Variants in TMEM131L observed in about 807,000 individuals in gnomAD.
TMEM131L encodes transmembrane protein 131-like.
Under a neutral mutation model 192.2 loss-of-function variants are expected in TMEM131L, and 54 were observed. That is an observed-to-expected ratio of 0.28 (90% CI 0.23 to 0.35). TMEM131L has a LOEUF of 0.35. TMEM131L is among the 10% of genes least tolerant of loss of function. TMEM131L has a pLI of 1.00. For missense variants in TMEM131L, 1,888 were observed against 1,972.9 expected (o/e 0.96, Z 0.82); for synonymous variants, 701 against 704.9 (o/e 0.99, Z 0.09).
chr4:153,585,282 G>A (rs531532670), intron 12 of TMEM131L, among the ~76,000 whole-genome samples, 176 bp from the exon 13 acceptor site: 1 of 152,338 alleles, frequency 6.6e-6, no homozygotes, highest in South Asian at 2.1e-4. Context: ...CGGGCTTCCA[G>A]TTGCTCCCTA....
At chr4:153,466,698 C>T (rs1277850685) in intron 1 of TMEM131L, among the ~76,000 whole-genome samples, 177 bp downstream of exon 1, 2 of 152,192 alleles carry the variant, frequency 1.3e-5, no homozygotes, top group Admixed American at 6.5e-5. Flanking sequence ...CGTCCCGTCC[C>T]GCGCCTCTCT....
At chr4:153,561,976 C>A (rs867492513) in intron 7 of TMEM131L, among the ~76,000 whole-genome samples, 4 of 145,906 alleles carry the variant, frequency 2.7e-5, no homozygotes, top group Non-Finnish European at 3.0e-5. Flanking sequence ...AAAAAAAAAA[C>A]CTCTTAAAAG....
chr4:153,548,572 G>T (rs1737369282), intron 3 of TMEM131L, among the ~76,000 whole-genome samples: 1 of 152,154 alleles, frequency 6.6e-6, no homozygotes, highest in Non-Finnish European at 1.5e-5. Flanking sequence ...CAAAGTGCTG[G>T]GATTACAGGC....
At chr4:153,467,132 C>T in intron 1 of TMEM131L, 79 bp from the exon 2 acceptor site, 2 of 1,379,018 alleles carry the variant, frequency 1.5e-6, no homozygotes, top group Admixed American at 2.0e-5. Context: ...GCGGGGGGCA[C>T]GGAGGGACGG....
intron 26 of TMEM131L, among the ~76,000 whole-genome samples, chr4:153,617,180 G>A (rs768247118): frequency 1.1e-4 from 17 of 152,274 alleles, no homozygotes; most frequent in Non-Finnish European, 1.8e-4. Flanking sequence ...TTTTAAAAAT[G>A]GGAGTTTCCC....
At chr4:153,593,930 C>T (rs1006453022) in intron 19 of TMEM131L, 59 bp downstream of exon 19, 13 of 1,073,880 alleles carry the variant, frequency 1.2e-5, no homozygotes, top group South Asian at 5.0e-5. Flanking sequence ...CATGAGCATA[C>T]GGGCCTCATT....
intron 25 of TMEM131L, among the ~76,000 whole-genome samples, chr4:153,608,462 G>A (rs534423673): frequency 6.6e-6 from 1 of 152,306 alleles, no homozygotes; most frequent in South Asian, 2.1e-4. Context: ...TCAAAATAAT[G>A]TAGATTAGAG....
chr4:153,507,403 G>A lies in TMEM131L; in HGVS notation c.239+33515G>A, dbSNP rs1045996742. 5.9e-5 allele frequency among the ~76,000 whole-genome samples: 9 copies of A among 152,296 alleles called. No individual in the cohort carries two copies. In the East Asian group the frequency reaches 9.6e-4, roughly 16 times the overall value. ...CGTGGCACATCTCCACGTCCCCCAT[G>A]CTTGCTTTTTCTCTAGTAGAAGACT... On this transcript the variant is annotated intron_variant, in intron 3 of 34. Coordinates refer to ENST00000409959, the MANE Select transcript of TMEM131L (RefSeq NM_001131007.2).
At chr4:153,539,974 G>A (rs572356364) in intron 3 of TMEM131L, among the ~76,000 whole-genome samples, 335 of 152,208 alleles carry the variant, frequency 2.2e-3, no homozygotes, top group Admixed American at 5.3e-3. Context: ...GCCGGGCATG[G>A]TGGCGGGTGC....
At position 153,493,152 on chromosome 4, in the gene TMEM131L, C is replaced by T. The variant is rs550024555; in HGVS notation, c.239+19264C>T. Among the ~76,000 whole-genome samples the T allele has an allele frequency of 3.3e-5, 5 of 151,242 alleles. No homozygotes were observed. The South Asian group carries it at 8.4e-4, about 25-fold the overall frequency. On this transcript the variant is annotated intron_variant, in intron 3 of 34. Transcript: ENST00000409959. ...ACAAGGTCAGGAGATCGAGACCATCCTGGCTAACATGGTGAAACCCCATCT... is the reference window on the plus strand; with the variant it reads ...ACAAGGTCAGGAGATCGAGACCATCTTGGCTAACATGGTGAAACCCCATCT...
chr4:153,585,293 T>C (rs1356990244), intron 12 of TMEM131L, among the ~76,000 whole-genome samples, 165 bp from the exon 13 acceptor site: 2 of 152,180 alleles, frequency 1.3e-5, no homozygotes, highest in Admixed American at 6.5e-5. Flanking sequence ...TTGCTCCCTA[T>C]GTGAGCCAGA....
intron 3 of TMEM131L, among the ~76,000 whole-genome samples, chr4:153,535,197 GAA>G (rs1736221005): frequency 6.6e-6 from 1 of 152,166 alleles, no homozygotes; most frequent in Non-Finnish European, 1.5e-5. Flanking sequence ...CGGGGTGTGA[GAA>G]AGAGAACAGT....
At chr4:153,567,542 C>G (rs1394296735) in intron 7 of TMEM131L, among the ~76,000 whole-genome samples, 3 of 151,304 alleles carry the variant, frequency 2.0e-5, no homozygotes, top group African/African-American at 7.3e-5. Flanking sequence ...TTTTTTTCCC[C>G]CAGGCTTTTT....
intron 3 of TMEM131L, among the ~76,000 whole-genome samples, chr4:153,492,592 C>T (rs911287531): frequency 6.6e-6 from 1 of 152,156 alleles, no homozygotes; most frequent in Non-Finnish European, 1.5e-5. Context: ...TAATATGAAA[C>T]TGGCATGGCA....
intron 3 of TMEM131L, among the ~76,000 whole-genome samples, chr4:153,535,003 G>A (rs62324747): frequency 0.13 from 19,655 of 152,172 alleles, 1,617 homozygotes; most frequent in Middle Eastern, 0.21. Flanking sequence ...GAGCAGAGCA[G>A]TGATGCCATT....
At chr4:153,610,934 A>G (rs1732568901) in intron 25 of TMEM131L, among the ~76,000 whole-genome samples, 1 of 152,234 alleles carries the variant, frequency 6.6e-6, no homozygotes, top group African/African-American at 2.4e-5. Context: ...TTCTTAGTTC[A>G]AGAAAAAAGA....
intron 3 of TMEM131L, among the ~76,000 whole-genome samples, chr4:153,513,994 T>C (rs577543153): frequency 6.6e-6 from 1 of 152,066 alleles, no homozygotes; most frequent in Non-Finnish European, 1.5e-5. Context: ...ATAAGTCTCA[T>C]TTTTTTTCTC....
At position 153,604,079 on chromosome 4, in the gene TMEM131L, A is replaced by G; in HGVS notation, c.3067A>G (p.Thr1023Ala). The G allele has an allele frequency of 6.2e-7, 1 of 1,614,216 alleles. No homozygotes were observed. The highest frequency in any genetic ancestry group is 8.5e-7 in the Non-Finnish European group (1 of 1,180,038). ...GCCTGCTGCTAAAGAGGACATTTGC[A>G]CTGATGCCATGCGTGAGAACTGGAT... ...SLPAAKEDIC[T>A]DAMRENWISL... Residue 1023 changes from threonine (T) to alanine (A), a missense_variant, in exon 25 of 35, where the codon ACT (threonine) becomes GCT (alanine). Coordinates refer to ENST00000409959, the MANE Select transcript of TMEM131L (RefSeq NM_001131007.2).
chr4:153,502,479 T>C (rs1733685947), intron 3 of TMEM131L, among the ~76,000 whole-genome samples: 1 of 152,194 alleles, frequency 6.6e-6, no homozygotes, highest in African/African-American at 2.4e-5. Context: ...ATTCTGACTC[T>C]TTGGGAGTTA....
Sources: allele counts gnomAD v4.1 joint callset (sites outside exome capture counted in the v4.1 genomes callset), GRCh38; gene constraint gnomAD v4.1.1; transcripts MANE v1.5; gene names NCBI Gene and HGNC (gene_info 2026-07-23, HGNC 2026-07-21).